Variants in PLCG2 observed in about 807,000 individuals in gnomAD.
PLCG2 encodes the protein 1-phosphatidylinositol 4,5-bisphosphate phosphodiesterase gamma-2.
In PLCG2, 69 loss-of-function variants were observed where a neutral mutation model predicts 175.6. The observed-to-expected ratio is 0.39, with a 90% CI of 0.32 to 0.48. The LOEUF is 0.48. Ranked by LOEUF, PLCG2 falls within the 20% of genes least tolerant of loss-of-function variation. PLCG2 has a pLI of 0.91. For synonymous variants in PLCG2, 827 were observed against 624.0 expected (o/e 1.33, Z -4.85); for missense variants, 1,798 against 1,650.9 (o/e 1.09, Z -1.54).
At chr16:81,770,008 C>A (rs1910243489) in intron 2 of PLCG2, among the ~76,000 whole-genome samples, 1 of 152,074 alleles carries the variant, frequency 6.6e-6, no homozygotes, top group Admixed American at 6.5e-5. Flanking sequence ...ATTGACTGCA[C>A]GAAGGGCCCT....
chr16:81,900,058 C>T (rs964357007), intron 13 of PLCG2, among the ~76,000 whole-genome samples: 10 of 151,918 alleles, frequency 6.6e-5, no homozygotes, highest in African/African-American at 2.4e-4. Flanking sequence ...ACACAGACAC[C>T]TTATAGAAAT....
intron 20 of PLCG2, 144 bp downstream of exon 20, chr16:81,919,808 A>G: frequency 1.5e-6 from 1 of 658,632 alleles, no homozygotes; most frequent in Non-Finnish European, 2.6e-6. Context: ...GAGCACAACA[A>G]AGACCCTGCC....
intron 30 of PLCG2, among the ~76,000 whole-genome samples, chr16:81,943,817 A>G (rs1397127832): frequency 6.6e-6 from 1 of 152,216 alleles, no homozygotes; most frequent in Non-Finnish European, 1.5e-5. Flanking sequence ...TTACAGCAGT[A>G]TATTCAATGA....
chr16:81,962,326 C>T lies in PLCG2; in HGVS notation c.*4328C>T, dbSNP rs895812745. 1 of 203,834 alleles carries T rather than the reference C, an allele frequency of 4.9e-6. No individual in the cohort carries two copies. The highest frequency in any genetic ancestry group is 1.0e-5 in the Non-Finnish European group (1 of 99,678). The allele number at this position is 203,834 out of a possible 1,614,324, so 12.6% of individuals were successfully genotyped here. On this transcript the variant is annotated 3_prime_UTR_variant, in exon 33 of 33. Transcript: ENST00000564138. ...CCAACCGTAAAAGCTATCTTCTAAC[C>T]AACAAAAAGTTAATAATTAGATTTG...
chr16:81,837,081 A>G (rs1347695822), intron 2 of PLCG2, among the ~76,000 whole-genome samples: 1 of 152,216 alleles, frequency 6.6e-6, no homozygotes, highest in African/African-American at 2.4e-5. Flanking sequence ...ATCCAAGTTA[A>G]GGTAGTTGTC....
At chr16:81,809,712 T>G (rs1404925312) in intron 2 of PLCG2, among the ~76,000 whole-genome samples, 7 of 151,958 alleles carry the variant, frequency 4.6e-5, no homozygotes, top group Non-Finnish European at 7.4e-5. Context: ...CCTATGCATG[T>G]GTCTTTCTCC....
At chr16:81,900,229 G>C (rs1366290665) in intron 13 of PLCG2, among the ~76,000 whole-genome samples, 1 of 152,206 alleles carries the variant, frequency 6.6e-6, no homozygotes, top group African/African-American at 2.4e-5. Context: ...CAGCGTCCCT[G>C]TTGGTGACCC....
intron 2 of PLCG2, among the ~76,000 whole-genome samples, chr16:81,809,372 C>T (rs184691292): frequency 6.7e-4 from 102 of 152,300 alleles, no homozygotes; most frequent in Non-Finnish European, 1.2e-3. Context: ...TCAGTCAGGA[C>T]ACTCCTGGCT....
At chr16:81,845,624 G>T (rs146924869) in intron 2 of PLCG2, among the ~76,000 whole-genome samples, 35 of 152,346 alleles carry the variant, frequency 2.3e-4, no homozygotes, top group African/African-American at 7.5e-4. Context: ...CTAGAATCTT[G>T]TTCCCAGCCT....
rs73592978 is a variant in PLCG2 at position 81,859,939 on chromosome 16, C to T, written c.479+776C>T. On this transcript the variant is annotated intron_variant, in intron 5 of 32. Coordinates refer to ENST00000564138, the MANE Select transcript of PLCG2 (RefSeq NM_002661.5). The stretch of plus-strand genomic sequence containing the variant: ...TAAAAGTACCTCTTGGAGAAGCTCC[C>T]TATCAGTCCTGCACAAAGCTCTATG... Among the ~76,000 whole-genome samples the T allele has an allele frequency of 3.5e-3, 539 of 152,124 alleles. 3 individuals are homozygous for T. The highest frequency in any genetic ancestry group is 0.013 in the African/African-American group (527 of 41,496).
At chr16:81,849,041 C>T (rs1010787077) in intron 2 of PLCG2, among the ~76,000 whole-genome samples, 14 of 151,322 alleles carry the variant, frequency 9.3e-5, no homozygotes, top group African/African-American at 2.9e-4. Flanking sequence ...ATAAGAGATG[C>T]TTGGAGGGGC....
intron 1 of PLCG2, among the ~76,000 whole-genome samples, chr16:81,745,482 A>C (rs935063187): frequency 6.6e-6 from 1 of 152,210 alleles, no homozygotes; most frequent in Non-Finnish European, 1.5e-5. Context: ...TTAACAACCG[A>C]GATAACATGG....
chr16:81,866,953 C>T (rs992590298), intron 5 of PLCG2, among the ~76,000 whole-genome samples: 3 of 152,382 alleles, frequency 2.0e-5, no homozygotes, highest in African/African-American at 4.8e-5. Flanking sequence ...GCCTGCTGGC[C>T]GCTGTGCCCA....
At chr16:81,890,999 C>G (rs1597111162) in intron 10 of PLCG2, among the ~76,000 whole-genome samples, 1 of 152,064 alleles carries the variant, frequency 6.6e-6, no homozygotes, top group African/African-American at 2.4e-5. Context: ...TCTGTCTCTA[C>G]TAAAAATACA....
At chr16:81,928,228 A>G (rs1910357876) in intron 23 of PLCG2, among the ~76,000 whole-genome samples, 1 of 152,088 alleles carries the variant, frequency 6.6e-6, no homozygotes, top group African/African-American at 2.4e-5. Context: ...AAATAGTCTC[A>G]TTTTCTAATA....
intron 2 of PLCG2, among the ~76,000 whole-genome samples, chr16:81,772,131 A>G (rs561102690): frequency 2.6e-5 from 4 of 152,262 alleles, no homozygotes; most frequent in African/African-American, 9.6e-5. Context: ...TCTCAAGATG[A>G]GAACATCCTG....
At chr16:81,862,926 T>A (rs1426375521) in intron 5 of PLCG2, among the ~76,000 whole-genome samples, 2 of 152,118 alleles carry the variant, frequency 1.3e-5, no homozygotes, top group Non-Finnish European at 2.9e-5. Flanking sequence ...AAAACAATTG[T>A]GCTGTTGAGA....
intron 7 of PLCG2, among the ~76,000 whole-genome samples, chr16:81,877,302 A>C (rs1907843828): frequency 6.6e-6 from 1 of 152,108 alleles, no homozygotes. Flanking sequence ...AAAATACAAA[A>C]AAAATTAGCT....
At chr16:81,871,400 G>A (rs562883890) in intron 7 of PLCG2, among the ~76,000 whole-genome samples, 35 of 152,308 alleles carry the variant, frequency 2.3e-4, no homozygotes, top group African/African-American at 8.2e-4. Flanking sequence ...GTGCAGTGGT[G>A]TGATCTTGGT....
Sources: allele counts gnomAD v4.1 joint callset (sites outside exome capture counted in the v4.1 genomes callset), GRCh38; gene constraint gnomAD v4.1.1; transcripts MANE v1.5; gene names NCBI Gene and HGNC (gene_info 2026-07-23, HGNC 2026-07-21).